Variants in AGO3 observed in about 807,000 individuals in gnomAD.
AGO3 encodes protein argonaute-3.
AGO3 carries 16 observed loss-of-function variants against 105.5 expected under a neutral mutation model. That is an observed-to-expected ratio of 0.15 (90% CI 0.10 to 0.23). AGO3 has a LOEUF of 0.23. AGO3 is among the 10% of genes least tolerant of loss of function. The probability of loss-of-function intolerance (pLI) is 1.00; values close to 1 mark genes in which losing one functional copy is unlikely to be tolerated. For missense variants in AGO3, 534 were observed against 1,088.0 expected, an observed-to-expected ratio of 0.49 and a Z score of 7.16; for synonymous variants, 340 against 367.3, an observed-to-expected ratio of 0.93 and a Z score of 0.85.
intron 11 of AGO3, among the ~76,000 whole-genome samples, chr1:36,017,088 C>T (rs1474644301): frequency 6.6e-6 from 1 of 152,212 alleles, no homozygotes; most frequent in Non-Finnish European, 1.5e-5. Flanking sequence ...CATGCTCATA[C>T]ATTTCTTTGA....
intron 5 of AGO3, among the ~76,000 whole-genome samples, chr1:35,995,209 A>AAAAAAAAAATATATAT (rs1237315557): frequency 2.1e-4 from 24 of 114,782 alleles, no homozygotes; most frequent in African/African-American, 9.0e-4. Flanking sequence ...TAAAAAAAAA[A>AAAAAAAAAATATATAT]ATATATATAT....
rs900426923 is a variant in AGO3 at position 36,013,932 on chromosome 1, A to G, written c.1290A>G (p.Thr430=). 1 of 1,614,080 alleles carries G rather than the reference A, an allele frequency of 6.2e-7. No individual in the cohort carries two copies. The highest frequency in any genetic ancestry group is 8.5e-7 in the Non-Finnish European group (1 of 1,180,008). Reference sequence around the variant, plus strand: ...TCGTGTAGAATCGGACAGTAGCAACACCGAGCCATGGAGTATGGGACATGC... The same window carrying G: ...TCGTGTAGAATCGGACAGTAGCAACGCCGAGCCATGGAGTATGGGACATGC... ...QYGGRNRTVA[T]PSHGVWDMRG... is the part of the protein sequence containing the mutation. The change falls in exon 11 of 19, where the codon ACA becomes ACG. Residue 430 remains threonine (T), a synonymous_variant. Coordinates refer to ENST00000373191, the MANE Select transcript of AGO3 (RefSeq NM_024852.4).
intron 6 of AGO3, among the ~76,000 whole-genome samples, chr1:36,007,593 G>A (rs1426389487): frequency 6.6e-6 from 1 of 151,508 alleles, no homozygotes; most frequent in African/African-American, 2.4e-5. Context: ...CTACTTGGGA[G>A]GCTGAGGCAG....
At chr1:36,037,661 A>G (rs766579215) in intron 14 of AGO3, among the ~76,000 whole-genome samples, 13 of 152,120 alleles carry the variant, frequency 8.5e-5, no homozygotes, top group Non-Finnish European at 1.8e-4. Flanking sequence ...TTTCAAAACT[A>G]TTTTCATTAG....
chr1:35,948,798 G>A (rs1293903078), intron 2 of AGO3, among the ~76,000 whole-genome samples: 2 of 151,894 alleles, frequency 1.3e-5, no homozygotes, highest in African/African-American at 2.4e-5. Flanking sequence ...TCTTTAGGTT[G>A]CTTTATCTTA....
At chr1:35,957,449 A>G (rs529749134) in intron 2 of AGO3, among the ~76,000 whole-genome samples, 1 of 151,944 alleles carries the variant, frequency 6.6e-6, no homozygotes, top group South Asian at 2.1e-4. Flanking sequence ...GTATGAGCTG[A>G]GCTCAGTGGC....
At chr1:35,995,209 A>AATATATATATATATATAT in intron 5 of AGO3, among the ~76,000 whole-genome samples, 1 of 114,790 alleles carries the variant, frequency 8.7e-6, no homozygotes, top group African/African-American at 3.8e-5. Flanking sequence ...TAAAAAAAAA[A>AATATATATATATATATAT]ATATATATAT....
At chr1:36,017,023 T>G in intron 11 of AGO3, among the ~76,000 whole-genome samples, 1 of 152,192 alleles carries the variant, frequency 6.6e-6, no homozygotes, top group South Asian at 2.1e-4. Flanking sequence ...ACCACTCTGT[T>G]ACCAAGATTT....
At chr1:35,995,080 G>A (rs688191) in intron 5 of AGO3, among the ~76,000 whole-genome samples, 35,806 of 151,164 alleles carry the variant, frequency 0.24, 7,026 homozygotes, top group East Asian at 0.69. Flanking sequence ...GTGTGCCTGT[G>A]GTCCCGGCTA....
chr1:35,943,601 C>CTTT (rs59873910), intron 1 of AGO3, among the ~76,000 whole-genome samples: 18 of 123,434 alleles, frequency 1.5e-4, no homozygotes, highest in African/African-American at 2.8e-4. Context: ...ACCCCCAGCC[C>CTTT]TTTTTTTTTT....
chr1:35,965,288 G>A (rs1375695650), intron 2 of AGO3, among the ~76,000 whole-genome samples: 1 of 151,812 alleles, frequency 6.6e-6, no homozygotes, highest in Non-Finnish European at 1.5e-5. Context: ...TCAGGAGTTC[G>A]AGACCAGCCT....
intron 2 of AGO3, among the ~76,000 whole-genome samples, chr1:35,965,149 A>G (rs1646749060): frequency 6.6e-6 from 1 of 152,086 alleles, no homozygotes; most frequent in Non-Finnish European, 1.5e-5. Flanking sequence ...AAAAATGACA[A>G]AATGGTTAAA....
At position 36,056,011 on chromosome 1, in the gene AGO3, C is replaced by A. The variant is rs551168312; in HGVS notation, c.*266C>A. 6.1e-4 allele frequency: 177 copies of A among 289,494 alleles called. 1 individual carries two copies. The highest frequency in any genetic ancestry group is 9.1e-4 in the Non-Finnish European group (142 of 155,408). The allele number at this position is 289,494 out of a possible 1,614,324, so 17.9% of individuals were successfully genotyped here. A position where few individuals can be genotyped will look rare whatever the true frequency, so the allele number is the denominator to read the frequency against. On this transcript the variant is annotated 3_prime_UTR_variant, in exon 19 of 19. Transcript: ENST00000373191. Reference sequence around the variant, plus strand: ...TATCGCAATTGTTTTGTTTTCATTTCTTGTAGTCTAACCCTTTTAATGCCT... The same window carrying A: ...TATCGCAATTGTTTTGTTTTCATTTATTGTAGTCTAACCCTTTTAATGCCT...
At chr1:35,973,800 T>C (rs993353669) in intron 5 of AGO3, among the ~76,000 whole-genome samples, 1 of 152,230 alleles carries the variant, frequency 6.6e-6, no homozygotes, top group African/African-American at 2.4e-5. Flanking sequence ...CTTTTAACTC[T>C]AAGCCAACAT....
chr1:36,055,223 A>C lies in AGO3; in HGVS notation c.2474+78A>C. 2 of 1,441,530 alleles carry C rather than the reference A, an allele frequency of 1.4e-6. No homozygotes were observed. The highest frequency in any genetic ancestry group is 5.0e-5 in the East Asian group (2 of 40,296). 89.3% of individuals were successfully genotyped at this position (1,441,530 alleles called of 1,614,324 possible). A position where few individuals can be genotyped will look rare whatever the true frequency, so the allele number is the denominator to read the frequency against. On this transcript the variant is annotated intron_variant, in intron 18 of 18. Transcript: ENST00000373191. The surrounding 1 kb of genome is among the most constrained non-coding windows in gnomAD (Gnocchi z 4.4). ...GTAGGATTTTCAAGTTCCACAAGCT[A>C]TTAGCGGAGTCAGTGATCCATGTGA...
At chr1:35,980,005 A>G (rs1242213270) in intron 5 of AGO3, among the ~76,000 whole-genome samples, 1 of 152,148 alleles carries the variant, frequency 6.6e-6, no homozygotes, top group Non-Finnish European at 1.5e-5. Flanking sequence ...ACATTTGTAT[A>G]TATTTTGAAA....
At chr1:36,050,158 T>G (rs1042727211) in intron 17 of AGO3, among the ~76,000 whole-genome samples, 1 of 152,182 alleles carries the variant, frequency 6.6e-6, no homozygotes, top group African/African-American at 2.4e-5. Flanking sequence ...ATAGACCACA[T>G]GTTAGGCCAC....
At position 36,004,234 on chromosome 1, in the gene AGO3, A is replaced by G. The variant is rs552216351; in HGVS notation, c.659-107A>G. The stretch of plus-strand genomic sequence containing the variant: ...GAAATTTGTATGTACATAAATGTGC[A>G]TAAAGGATCATTTTAACCCTATAGA... On this transcript the variant is annotated intron_variant, in intron 5 of 18. Coordinates refer to ENST00000373191, the MANE Select transcript of AGO3 (RefSeq NM_024852.4). 12 of 1,203,206 alleles carry G rather than the reference A, an allele frequency of 1.0e-5. No individual in the cohort carries two copies. In the African/African-American group the frequency reaches 1.4e-4, roughly 14 times the overall value. 74.5% of individuals were successfully genotyped at this position (1,203,206 alleles called of 1,614,324 possible).
rs754265595 is a variant in AGO3, at chr1:35,945,760, A to G, written c.88A>G (p.Ile30Val). 1 of 1,613,522 alleles carries G rather than the reference A, an allele frequency of 6.2e-7. No individual in the cohort carries two copies. Among genetic ancestry groups the G allele is most frequent in the East Asian group, 2.2e-5 (1 of 44,874 alleles). The change falls in exon 2 of 19, where the codon ATT becomes GTT. Residue 30 changes from isoleucine (I) to valine (V), a missense_variant. Around this residue, in one of 2 missense-constraint regions of AGO3, gnomAD observed 161 missense variants for 234.0 expected, o/e 0.69. Coordinates refer to ENST00000373191, the MANE Select transcript of AGO3 (RefSeq NM_024852.4). ...TGGCTATGGCACCATGGGCAAACCC[A>G]TTAAACTGCTGGCTAACTGTTTTCA... ...RPGYGTMGKP[I>V]KLLANCFQVE...
Sources: allele counts gnomAD v4.1 joint callset (sites outside exome capture counted in the v4.1 genomes callset), GRCh38; gene constraint gnomAD v4.1.1; regional missense constraint gnomAD v4.1.1; non-coding constraint Gnocchi (gnomAD v3.1); transcripts MANE v1.5; gene names NCBI Gene and HGNC (gene_info 2026-07-23, HGNC 2026-07-21).